Variants in TENM4 observed in about 807,000 individuals in gnomAD.
TENM4 encodes the protein teneurin transmembrane protein 4.
Under a neutral mutation model 243.3 loss-of-function variants are expected in TENM4, and 82 were observed. The observed-to-expected ratio is 0.34, with a 90% confidence interval of 0.28 to 0.40. The LOEUF (loss-of-function observed/expected upper bound fraction) is 0.40, where lower values mean the gene tolerates loss of function less well. Ranked by LOEUF, TENM4 falls within the 10% of genes least tolerant of loss-of-function variation. The pLI, the probability that TENM4 is intolerant of heterozygous loss-of-function variation, is 1.00. For synonymous variants in TENM4, 1,412 were observed against 1,456.3 expected (o/e 0.97, Z 0.69); for missense variants, 3,138 against 3,673.3 (o/e 0.85, Z 3.77).
At chr11:78,875,046 T>C (rs1025205909) in intron 9 of TENM4, among the ~76,000 whole-genome samples, 1 of 152,192 alleles carries the variant, frequency 6.6e-6, no homozygotes, top group Admixed American at 6.5e-5. Context: ...CAATAAGCAA[T>C]AGGTTTTGAG....
intron 6 of TENM4, among the ~76,000 whole-genome samples, chr11:78,935,396 C>A (rs1347805491): frequency 6.6e-6 from 1 of 152,196 alleles, no homozygotes; most frequent in African/African-American, 2.4e-5. Flanking sequence ...AAGTTCCAGG[C>A]ACCTTTTATT....
At chr11:79,269,309 T>C (rs1429424330) in intron 2 of TENM4, among the ~76,000 whole-genome samples, 4 of 152,248 alleles carry the variant, frequency 2.6e-5, no homozygotes. Context: ...TTATTCTGTT[T>C]GTATTATTTA....
At chr11:78,713,416 G>A (rs1859446537) in intron 25 of TENM4, among the ~76,000 whole-genome samples, 1 of 152,242 alleles carries the variant, frequency 6.6e-6, no homozygotes, top group Non-Finnish European at 1.5e-5. Flanking sequence ...CTGGAAAACA[G>A]TTATAAAGAT....
At chr11:79,177,028 A>T (rs967385722) in intron 3 of TENM4, among the ~76,000 whole-genome samples, 1 of 152,158 alleles carries the variant, frequency 6.6e-6, no homozygotes, top group Non-Finnish European at 1.5e-5. Flanking sequence ...TACCCCTGAC[A>T]GACTAAACTT....
chr11:79,138,835 C>T (rs1333652439), intron 4 of TENM4, among the ~76,000 whole-genome samples: 2 of 114,108 alleles, frequency 1.8e-5, no homozygotes, highest in East Asian at 4.7e-4. Context: ...ACAAAACATA[C>T]ATTATATTTA....
chr11:79,176,746 T>C lies in TENM4; in HGVS notation c.-162-27940A>G, dbSNP rs553539112. Among the ~76,000 whole-genome samples the C allele has an allele frequency of 2.0e-5, 3 of 152,318 alleles. No individual in the cohort carries two copies. The East Asian group carries it at 5.8e-4, about 29-fold the overall frequency. On this transcript the variant is annotated intron_variant, in intron 3 of 33. Coordinates refer to ENST00000278550, the MANE Select transcript of TENM4 (RefSeq NM_001098816.3). ...ACAGTATTTAGTATATAGTAATATATGTTATATAGTGTATAGTCAGTGATA... is the reference window on the plus strand; with the variant it reads ...ACAGTATTTAGTATATAGTAATATACGTTATATAGTGTATAGTCAGTGATA...
chr11:79,003,527 A>G (rs563369425), intron 6 of TENM4, among the ~76,000 whole-genome samples: 4 of 152,216 alleles, frequency 2.6e-5, no homozygotes, highest in South Asian at 4.1e-4. Flanking sequence ...ATTTCAACCA[A>G]GAATTTCATA....
At chr11:78,854,691 T>G (rs867808988) in intron 11 of TENM4, among the ~76,000 whole-genome samples, 1 of 151,946 alleles carries the variant, frequency 6.6e-6, no homozygotes, top group African/African-American at 2.4e-5. Flanking sequence ...TTGAACTTCA[T>G]GCAAGTCCTG....
chr11:79,232,183 C>G (rs1053911039), intron 2 of TENM4, among the ~76,000 whole-genome samples: 12 of 152,206 alleles, frequency 7.9e-5, no homozygotes, highest in African/African-American at 2.4e-4. Context: ...GTCATAGAGC[C>G]AAGGGTTCCA....
At chr11:78,842,955 C>A (rs1016671304) in intron 12 of TENM4, among the ~76,000 whole-genome samples, 2 of 152,132 alleles carry the variant, frequency 1.3e-5, no homozygotes, top group African/African-American at 4.8e-5. Context: ...GGGAGGGTCA[C>A]TTGAGGCCAG....
chr11:78,785,792 A>G (rs1450733755), intron 16 of TENM4, among the ~76,000 whole-genome samples: 3 of 152,210 alleles, frequency 2.0e-5, no homozygotes, highest in Admixed American at 6.5e-5. Flanking sequence ...ATGAAGACTG[A>G]AAAAACCCTC....
intron 17 of TENM4, among the ~76,000 whole-genome samples, chr11:78,774,026 A>G (rs771099515): frequency 1.8e-4 from 27 of 152,252 alleles, no homozygotes; most frequent in Non-Finnish European, 3.4e-4. Context: ...TTCAAATCCT[A>G]GCACCATCAT....
intron 12 of TENM4, among the ~76,000 whole-genome samples, chr11:78,853,448 A>AG: frequency 6.6e-6 from 1 of 152,306 alleles, no homozygotes; most frequent in East Asian, 1.9e-4. Flanking sequence ...GAGCTGGCCC[A>AG]GGGGCTCAGG....
At chr11:78,664,171 C>T (rs1221809871) in intron 32 of TENM4, among the ~76,000 whole-genome samples, 1 of 152,226 alleles carries the variant, frequency 6.6e-6, no homozygotes. Flanking sequence ...TTTAACCATA[C>T]TTCTATGGAG....
intron 1 of TENM4, among the ~76,000 whole-genome samples, chr11:79,334,618 A>T (rs1351082046): frequency 6.6e-6 from 1 of 151,932 alleles, no homozygotes; most frequent in Non-Finnish European, 1.5e-5. Flanking sequence ...TCAGGAAAAA[A>T]CCCTATCTGT....
intron 6 of TENM4, among the ~76,000 whole-genome samples, chr11:79,033,073 A>G (rs1300135421): frequency 6.6e-6 from 1 of 152,006 alleles, no homozygotes; most frequent in East Asian, 1.9e-4. Context: ...TCTACCCTCT[A>G]AGGCATTTTT....
intron 14 of TENM4, among the ~76,000 whole-genome samples, chr11:78,810,635 A>T (rs1333902126): frequency 1.3e-5 from 2 of 152,220 alleles, no homozygotes; most frequent in African/African-American, 4.8e-5. Context: ...CAAAGTTAAC[A>T]GGTCTGAATC....
At chr11:78,792,101 A>G (rs922069503) in intron 15 of TENM4, among the ~76,000 whole-genome samples, 5 of 152,202 alleles carry the variant, frequency 3.3e-5, no homozygotes, top group African/African-American at 1.2e-4. Context: ...GTGACAACTG[A>G]AGAAAATAGT....
At chr11:79,055,752 A>G (rs1425624504) in intron 6 of TENM4, among the ~76,000 whole-genome samples, 1 of 152,170 alleles carries the variant, frequency 6.6e-6, no homozygotes, top group Non-Finnish European at 1.5e-5. Flanking sequence ...GAGATCTAGT[A>G]ATTCGCACAA....
Sources: gnomAD v4.1 joint callset for allele counts (sites outside exome capture counted in the v4.1 genomes callset) on GRCh38, gnomAD v4.1.1 for gene constraint, MANE v1.5 for transcripts, NCBI Gene and HGNC (gene_info 2026-07-23, HGNC 2026-07-21) for gene names.